Variants in PRR16 observed in about 807,000 individuals in gnomAD.
PRR16 encodes proline rich 16.
PRR16 carries 6 observed loss-of-function variants against 18.2 expected under a neutral mutation model. That is an observed-to-expected ratio of 0.33 (90% CI 0.18 to 0.65). The LOEUF is 0.65. PRR16 is among the 30% of genes least tolerant of loss of function. PRR16 has a pLI of 0.74. For missense variants in PRR16, 412 were observed against 376.6 expected, an observed-to-expected ratio of 1.09 and a Z score of -0.78; for synonymous variants, 151 against 147.8, an observed-to-expected ratio of 1.02 and a Z score of -0.16.
chr5:120,740,527 T>C, the PRR16 span, among the ~76,000 whole-genome samples: 1 of 152,188 alleles, frequency 6.6e-6, no homozygotes, highest in Non-Finnish European at 1.5e-5. Context: ...ATAAATCAAC[T>C]GACTATACAT....
chr5:120,663,441 G>A (rs570902454), intron 1 of PRR16, among the ~76,000 whole-genome samples: 1 of 139,226 alleles, frequency 7.2e-6, no homozygotes, highest in African/African-American at 2.6e-5. Context: ...GGTTGAACAG[G>A]ATACAAAAAG....
intron 1 of PRR16, among the ~76,000 whole-genome samples, chr5:120,489,430 C>T (rs1749940570): frequency 6.6e-6 from 1 of 152,082 alleles, no homozygotes. Flanking sequence ...CTCTTTTGAT[C>T]TTTGTTGGTT....
chr5:120,500,969 T>C (rs1750432564), intron 1 of PRR16, among the ~76,000 whole-genome samples: 1 of 151,996 alleles, frequency 6.6e-6, no homozygotes, highest in Non-Finnish European at 1.5e-5. Context: ...CTTATTCCTA[T>C]ATAACAACTC....
intron 1 of PRR16, among the ~76,000 whole-genome samples, chr5:120,621,043 G>T (rs1754672722): frequency 6.6e-6 from 1 of 152,092 alleles, no homozygotes; most frequent in Non-Finnish European, 1.5e-5. Flanking sequence ...ACTCTGGGTA[G>T]TGTTCTCCTT....
chr5:120,746,031 AT>A, the PRR16 span, among the ~76,000 whole-genome samples: 2 of 151,836 alleles, frequency 1.3e-5, no homozygotes, highest in African/African-American at 4.8e-5. Context: ...TGCATTCATA[AT>A]TTTAGTTTGG....
At chr5:120,496,203 A>G (rs1750239844) in intron 1 of PRR16, among the ~76,000 whole-genome samples, 1 of 152,054 alleles carries the variant, frequency 6.6e-6, no homozygotes, top group Admixed American at 6.6e-5. Context: ...AACAATTGAT[A>G]AGGATTTTTG....
At chr5:120,724,739 C>T in the PRR16 span, among the ~76,000 whole-genome samples, 12 of 151,996 alleles carry the variant, frequency 7.9e-5, no homozygotes, top group Non-Finnish European at 1.2e-4. Context: ...TTTAATATCC[C>T]GGACTTTCCT....
the PRR16 span, among the ~76,000 whole-genome samples, chr5:120,707,341 A>G: frequency 6.6e-6 from 1 of 152,100 alleles, no homozygotes; most frequent in African/African-American, 2.4e-5. Context: ...TTACCAATAC[A>G]CTTCAGGCTT....
intron 1 of PRR16, among the ~76,000 whole-genome samples, chr5:120,630,855 T>C (rs1328897215): frequency 6.6e-6 from 1 of 152,150 alleles, no homozygotes. Flanking sequence ...CCTTGGAAAG[T>C]CCCTTTCCTT....
the PRR16 span, among the ~76,000 whole-genome samples, chr5:120,700,986 C>T: frequency 9.9e-5 from 15 of 152,268 alleles, no homozygotes; most frequent in South Asian, 4.1e-4. Context: ...ACAGATGGGA[C>T]ACAGCTTAGG....
chr5:120,607,145 A>T (rs1754180859), intron 1 of PRR16, among the ~76,000 whole-genome samples: 2 of 152,190 alleles, frequency 1.3e-5, no homozygotes. Context: ...TCCCAATTCA[A>T]TTGTTTCAAT....
intron 1 of PRR16, among the ~76,000 whole-genome samples, chr5:120,664,421 G>A (rs1191123936): frequency 6.6e-6 from 1 of 151,090 alleles, no homozygotes; most frequent in East Asian, 2.0e-4. Context: ...TGTTAGATGC[G>A]ATGAGGCAAT....
chr5:120,693,683 T>C, the PRR16 span, among the ~76,000 whole-genome samples: 1 of 152,234 alleles, frequency 6.6e-6, no homozygotes, highest in Non-Finnish European at 1.5e-5. Context: ...CTCAATGTTT[T>C]GCTTTAAATT....
intron 1 of PRR16, among the ~76,000 whole-genome samples, chr5:120,480,929 T>C (rs1749589931): frequency 1.3e-5 from 2 of 152,176 alleles, no homozygotes; most frequent in African/African-American, 4.8e-5. Context: ...AAATATTCTT[T>C]TTTTTCACTC....
chr5:120,656,685 G>A (rs1049356187), intron 1 of PRR16, among the ~76,000 whole-genome samples: 7 of 151,792 alleles, frequency 4.6e-5, no homozygotes, highest in East Asian at 1.9e-4. Flanking sequence ...TATAATTTTT[G>A]TGTCTATTAT....
the PRR16 span, among the ~76,000 whole-genome samples, chr5:120,701,999 G>T: frequency 2.6e-5 from 4 of 152,090 alleles, no homozygotes; most frequent in Admixed American, 2.0e-4. Context: ...AGGTGTGAAT[G>T]GAAGAGGTTT....
At chr5:120,586,727 C>T (rs1034026292) in intron 1 of PRR16, among the ~76,000 whole-genome samples, 7 of 152,100 alleles carry the variant, frequency 4.6e-5, no homozygotes, top group Admixed American at 1.3e-4. Context: ...TTCTTCCTCT[C>T]CTTGGTCCTC....
At chr5:120,729,386 T>C in the PRR16 span, among the ~76,000 whole-genome samples, 1 of 151,784 alleles carries the variant, frequency 6.6e-6, no homozygotes, top group Middle Eastern at 3.2e-3. Flanking sequence ...ACTTATTTCT[T>C]AATATAATTT....
At chr5:120,473,377 G>A (rs189919747) in intron 1 of PRR16, among the ~76,000 whole-genome samples, 1 of 152,030 alleles carries the variant, frequency 6.6e-6, no homozygotes, top group Non-Finnish European at 1.5e-5. Context: ...AGTATAGAAG[G>A]GTGAGAGCAC....
Sources: gnomAD v4.1 joint callset for allele counts (sites outside exome capture counted in the v4.1 genomes callset) on GRCh38, gnomAD v4.1.1 for gene constraint, MANE v1.5 for transcripts, NCBI Gene and HGNC (gene_info 2026-07-23, HGNC 2026-07-21) for gene names.